Variants in PTPRT observed in about 807,000 individuals in gnomAD.
The protein encoded by PTPRT is protein tyrosine phosphatase receptor type T.
Under a neutral mutation model 176.8 loss-of-function variants are expected in PTPRT, and 56 were observed. The observed-to-expected ratio is 0.32, with a 90% CI of 0.26 to 0.40. The LOEUF (loss-of-function observed/expected upper bound fraction) is 0.40, where lower values mean the gene tolerates loss of function less well. PTPRT is among the 10% of genes least tolerant of loss of function. The probability of loss-of-function intolerance (pLI) is 1.00; values close to 1 mark genes in which losing one functional copy is unlikely to be tolerated. For missense variants in PTPRT, 1,540 were observed against 1,908.2 expected (o/e 0.81, Z 3.60); for synonymous variants, 783 against 739.0 (o/e 1.06, Z -0.96).
chr20:42,694,959 A>C (rs570834771), intron 6 of PTPRT, among the ~76,000 whole-genome samples: 65 of 152,210 alleles, frequency 4.3e-4, no homozygotes, highest in Non-Finnish European at 8.4e-4. Flanking sequence ...TCTTCAGAAG[A>C]CCCACTGCAA....
intron 7 of PTPRT, among the ~76,000 whole-genome samples, chr20:42,489,759 C>T (rs1217896098): frequency 1.3e-5 from 2 of 151,784 alleles, no homozygotes; most frequent in East Asian, 1.9e-4. Flanking sequence ...TGAGCCACAG[C>T]TGTGATTTCC....
At chr20:43,120,520 C>T (rs1313435965) in intron 1 of PTPRT, among the ~76,000 whole-genome samples, 1 of 152,236 alleles carries the variant, frequency 6.6e-6, no homozygotes. Context: ...ATCCGCCCGC[C>T]TCGGTCTCCC....
chr20:42,478,592 G>A (rs980065714), intron 7 of PTPRT, among the ~76,000 whole-genome samples: 4 of 151,888 alleles, frequency 2.6e-5, no homozygotes, highest in Non-Finnish European at 5.9e-5. Context: ...ACACCTCCAA[G>A]CCTCTGCCCA....
At chr20:42,266,472 T>C (rs1333999932) in intron 13 of PTPRT, among the ~76,000 whole-genome samples, 1 of 152,174 alleles carries the variant, frequency 6.6e-6, no homozygotes, top group Non-Finnish European at 1.5e-5. Flanking sequence ...TCTGCACTGG[T>C]GGGCCTGGGG....
At chr20:42,556,988 T>C (rs1450891730) in intron 7 of PTPRT, among the ~76,000 whole-genome samples, 1 of 152,052 alleles carries the variant, frequency 6.6e-6, no homozygotes, top group Non-Finnish European at 1.5e-5. Flanking sequence ...CGTGTCTCTC[T>C]CCCCTGCACT....
intron 1 of PTPRT, among the ~76,000 whole-genome samples, chr20:43,049,375 T>C (rs1986963115): frequency 1.3e-5 from 2 of 152,158 alleles, no homozygotes; most frequent in Admixed American, 1.3e-4. Flanking sequence ...GTAGACACAC[T>C]TACTTTGAAA....
At chr20:43,090,270 A>ATTT (rs747388327) in intron 1 of PTPRT, among the ~76,000 whole-genome samples, 7 of 142,798 alleles carry the variant, frequency 4.9e-5, no homozygotes, top group East Asian at 4.1e-4. Flanking sequence ...ACAGGTGACT[A>ATTT]TTTTTTTTTT....
rs917843611 is a variant in PTPRT, at chr20:42,388,414, T to C, written c.1561-36129A>G. Among the ~76,000 whole-genome samples the C allele has an allele frequency of 3.3e-5, 5 of 152,136 alleles. No individual in the cohort carries two copies. In the South Asian group the frequency reaches 8.3e-4, roughly 25 times the overall value. On this transcript the variant is annotated intron_variant, in intron 9 of 30. Transcript: ENST00000373187. ...TAATATCCAGAATCTACAAAGCACT[T>C]AAACAAATTTACAAGAAAAAAACAA...
Position 42,352,223 on chromosome 20 carries a change from T to G in PTPRT, c.1623A>C (p.Lys541Asn). Residue 541 changes from lysine (K) to asparagine (N), a missense_variant, in exon 10 of 31, where the codon AAA becomes AAC. This residue lies in a region of PTPRT where 136 missense variants were observed against 135.0 expected (regional missense o/e 1.01). Coordinates refer to ENST00000373187, the MANE Select transcript of PTPRT (RefSeq NM_007050.6). ...PSADLSSQRG[K>N]VFKLRNETHH... ...GGGTTTCATTCCGGAGCTTGAACAC[T>G]TTCCCCCTCTGGCTCGAGAGGTCAG... The G allele has an allele frequency of 6.2e-7, 1 of 1,614,180 alleles. No homozygotes were observed. Among genetic ancestry groups the G allele is most frequent in the East Asian group, 2.2e-5 (1 of 44,870 alleles).
chr20:42,041,200 G>A, the PTPRT span, among the ~76,000 whole-genome samples: 74,156 of 151,918 alleles, frequency 0.49, 18,368 homozygotes, highest in Middle Eastern at 0.59. Flanking sequence ...TACTGCCCTC[G>A]ATGCTCCCGT....
chr20:42,261,760 A>G (rs926785868), intron 13 of PTPRT, among the ~76,000 whole-genome samples: 3 of 152,206 alleles, frequency 2.0e-5, no homozygotes, highest in African/African-American at 7.2e-5. Context: ...ACTCAGAAAC[A>G]TAATTCAATT....
intron 17 of PTPRT, among the ~76,000 whole-genome samples, chr20:42,154,287 G>A (rs923355752): frequency 1.3e-5 from 2 of 152,148 alleles, no homozygotes; most frequent in African/African-American, 4.8e-5. Flanking sequence ...AGAAGCAGAG[G>A]TGTCCTCAGA....
At chr20:42,093,961 T>C (rs1246078646) in intron 27 of PTPRT, among the ~76,000 whole-genome samples, 1 of 152,230 alleles carries the variant, frequency 6.6e-6, no homozygotes, top group Non-Finnish European at 1.5e-5. Flanking sequence ...GCAGCCAACC[T>C]CAGGGTACTT....
intron 15 of PTPRT, among the ~76,000 whole-genome samples, chr20:42,218,841 T>C (rs2055824778): frequency 6.6e-6 from 1 of 152,178 alleles, no homozygotes; most frequent in African/African-American, 2.4e-5. Context: ...AAACATCTGA[T>C]GAACTGATCG....
intron 1 of PTPRT, among the ~76,000 whole-genome samples, chr20:42,933,819 C>T (rs1187894267): frequency 6.6e-6 from 1 of 152,208 alleles, no homozygotes; most frequent in African/African-American, 2.4e-5. Context: ...CCTTAAGCAT[C>T]TATCACCAGC....
intron 1 of PTPRT, among the ~76,000 whole-genome samples, chr20:43,104,190 G>A (rs2012505604): frequency 6.6e-6 from 1 of 152,118 alleles, no homozygotes; most frequent in Non-Finnish European, 1.5e-5. Context: ...TTGGAGTCTT[G>A]CCCTGTCCCT....
chr20:42,146,413 C>T (rs1988868793), intron 17 of PTPRT, among the ~76,000 whole-genome samples: 1 of 152,194 alleles, frequency 6.6e-6, no homozygotes, highest in Admixed American at 6.5e-5. Flanking sequence ...GCGTTGAGTA[C>T]TTGCCATGTG....
intron 1 of PTPRT, among the ~76,000 whole-genome samples, chr20:42,991,557 G>C (rs562648082): frequency 3.3e-3 from 508 of 152,090 alleles, no homozygotes; most frequent in Non-Finnish European, 5.8e-3. Flanking sequence ...AGGGACTGGT[G>C]GGGGGCAGAT....
intron 15 of PTPRT, among the ~76,000 whole-genome samples, chr20:42,204,612 T>A (rs751938715): frequency 6.6e-6 from 1 of 152,194 alleles, no homozygotes; most frequent in Non-Finnish European, 1.5e-5. Flanking sequence ...GACGCGGCCA[T>A]AGCTCTTGGC....
Sources: gnomAD v4.1 joint callset for allele counts (sites outside exome capture counted in the v4.1 genomes callset) on GRCh38, gnomAD v4.1.1 for gene constraint, gnomAD v4.1.1 regional missense constraint, MANE v1.5 for transcripts, NCBI Gene and HGNC (gene_info 2026-07-23, HGNC 2026-07-21) for gene names.